The following SETD1B variants were observed in gnomAD, a reference collection of about 807,000 sequenced individuals.
SETD1B encodes the protein SET domain containing 1B, histone lysine methyltransferase.
A neutral mutation model predicts 148.0 loss-of-function variants in SETD1B; 7 were observed. The observed-to-expected ratio is 0.05, with a 90% CI of 0.03 to 0.09. The LOEUF (loss-of-function observed/expected upper bound fraction) is 0.09. SETD1B is among the 10% of genes least tolerant of loss of function. The pLI, the probability that SETD1B is intolerant of heterozygous loss-of-function variation, is 1.00. For synonymous variants in SETD1B, 1,361 were observed against 1,186.5 expected, an observed-to-expected ratio of 1.15 and a Z score of -3.02; for missense variants, 2,155 against 2,729.9, an observed-to-expected ratio of 0.79 and a Z score of 4.69.
intron 12 of SETD1B, among the ~76,000 whole-genome samples, 200 bp from the exon 13 acceptor site, chr12:121,825,000 A>G (rs1004774582): frequency 4.6e-4 from 69 of 150,738 alleles, no homozygotes; most frequent in African/African-American, 1.6e-3. Flanking sequence ...AAAAAAAAAA[A>G]GACACCTAGA....
chr12:121,810,288 C>T lies in SETD1B; in HGVS notation c.1343C>T (p.Pro448Leu), dbSNP rs1231843555. The change falls in exon 6 of 17, where the codon CCA becomes CTA. Residue 448 changes from proline (P) to leucine (L), a missense_variant. Around this residue, in one of 11 missense-constraint regions of SETD1B, gnomAD observed 376 missense variants for 385.0 expected, o/e 0.98. Transcript: ENST00000604567. This position sits in a 1 kb window ranked among gnomAD's most constrained non-coding sequence, Gnocchi z 7.6. ...PPAEPLAKEK[P>L]GTPPGPPPPD... is the part of the protein sequence containing the mutation. Reference sequence around the variant, plus strand: ...GCTGAGCCTCTGGCCAAGGAGAAGCCAGGCACGCCACCCGGCCCGCCGCCC... The same window carrying T: ...GCTGAGCCTCTGGCCAAGGAGAAGCTAGGCACGCCACCCGGCCCGCCGCCC... The T allele has an allele frequency of 6.5e-7, 1 of 1,543,574 alleles. No homozygotes were observed. The highest frequency in any genetic ancestry group is 1.4e-5 in the African/African-American group (1 of 73,004).
At position 121,825,342 on chromosome 12, in the gene SETD1B, C is replaced by T. The variant is rs370573657; in HGVS notation, c.5313C>T (p.Thr1771=). ...ACCTCAACAGCAGCCGTGCCAGCAC[C>T]GATGAGCCCCCCGCAGACACCCAGG... is the stretch of plus-strand genomic sequence containing the variant. The part of the protein sequence containing the change: ...LRYLNSSRAS[T]DEPPADTQGM... The change falls in exon 13 of 17, where the codon ACC becomes ACT. Residue 1771 remains threonine (T), a synonymous_variant. Coordinates refer to ENST00000604567, the MANE Select transcript of SETD1B (RefSeq NM_001353345.2). 495 of 1,550,946 alleles carry T rather than the reference C, an allele frequency of 3.2e-4. 1 individual carries two copies. Among genetic ancestry groups the T allele is most frequent in the East Asian group, 2.4e-3 (100 of 40,926 alleles).
At position 121,808,394 on chromosome 12, in the gene SETD1B, A is replaced by C; in HGVS notation, c.657+74A>C. The C allele has an allele frequency of 1.0e-6, 1 of 988,680 alleles. No homozygotes were observed. The highest frequency in any genetic ancestry group is 1.5e-6 in the Non-Finnish European group (1 of 656,270). 61.2% of individuals were successfully genotyped at this position (988,680 alleles called of 1,614,324 possible). ...CCCCCACCTCTGGAAAGCCTCACCAACTCTCTTATGGGACCCCCAGCCTAC... is the reference window on the plus strand; with the variant it reads ...CCCCCACCTCTGGAAAGCCTCACCACCTCTCTTATGGGACCCCCAGCCTAC... On this transcript the variant is annotated intron_variant, in intron 5 of 16. Transcript: ENST00000604567. This position sits in a 1 kb window ranked among gnomAD's most constrained non-coding sequence, Gnocchi z 5.3.
chr12:121,793,032 A>C, the SETD1B span: 1 of 849,744 alleles, frequency 1.2e-6, no homozygotes, highest in Non-Finnish European at 1.8e-6. Flanking sequence ...TCCAGGAGTG[A>C]AGAGCCGGCC....
intron 12 of SETD1B, among the ~76,000 whole-genome samples, 197 bp from the exon 13 acceptor site, chr12:121,825,003 C>T (rs1183727784): frequency 2.1e-5 from 3 of 145,608 alleles, no homozygotes; most frequent in African/African-American, 7.6e-5. Context: ...AAAAAAAAGA[C>T]ACCTAGAGCC....
In SETD1B at chr12:121,810,027, G is replaced by C; in HGVS notation, c.1082G>C (p.Gly361Ala). 1.3e-6 allele frequency: 2 copies of C among 1,550,430 alleles called. No individual in the cohort carries two copies. Among genetic ancestry groups the C allele is most frequent in the Non-Finnish European group, 1.7e-6 (2 of 1,146,930 alleles). Residue 361 changes from glycine (G) to alanine (A), a missense_variant, in exon 6 of 17, where the codon GGG becomes GCG. Around this residue, in one of 11 missense-constraint regions of SETD1B, gnomAD observed 376 missense variants for 385.0 expected, o/e 0.98. Coordinates refer to ENST00000604567, the MANE Select transcript of SETD1B (RefSeq NM_001353345.2). The surrounding 1 kb of genome is among the most constrained non-coding windows in gnomAD (Gnocchi z 7.6). Reference protein sequence around the residue: ...DLPFGAVGGTGGSSGPPFKAQ... With the variant: ...DLPFGAVGGTAGSSGPPFKAQ... ...CCGTTCGGAGCAGTCGGCGGCACTGGGGGCAGCAGCGGTCCCCCGTTCAAG... is the reference window on the plus strand; with the variant it reads ...CCGTTCGGAGCAGTCGGCGGCACTGCGGGCAGCAGCGGTCCCCCGTTCAAG...
intron 10 of SETD1B, among the ~76,000 whole-genome samples, chr12:121,818,731 AT>A (rs1346479088): frequency 6.6e-6 from 1 of 151,762 alleles, no homozygotes; most frequent in African/African-American, 2.4e-5. Flanking sequence ...TCTAATAAAA[AT>A]ACAAAAAATT....
At position 121,810,136 on chromosome 12, in the gene SETD1B, C is replaced by A. The variant is rs1326331145; in HGVS notation, c.1191C>A (p.Phe397Leu). 10 of 1,549,992 alleles carry A rather than the reference C, an allele frequency of 6.5e-6. No individual in the cohort carries two copies. The highest frequency in any genetic ancestry group is 8.7e-6 in the Non-Finnish European group (10 of 1,146,926). Residue 397 changes from phenylalanine (F) to leucine (L), a missense_variant, in exon 6 of 17, where the codon TTC (phenylalanine) becomes TTA (leucine). Physicochemically the swap from Phe to Leu is conservative, Grantham distance 22. Around this residue, in one of 11 missense-constraint regions of SETD1B, gnomAD observed 376 missense variants for 385.0 expected, o/e 0.98. Transcript: ENST00000604567. This position sits in a 1 kb window ranked among gnomAD's most constrained non-coding sequence, Gnocchi z 7.6. ...CTGCTCCTGGATTCAAGTCTGCTTT[C>A]TCTCCGTATCAGACCCCAGTGGCCC... ...ATPAPGFKSAFSPYQTPVAHF... is the reference protein window; with the variant it reads ...ATPAPGFKSALSPYQTPVAHF...
rs1482985699 is a variant in SETD1B, at chr12:121,817,733, G to T, written c.3312+29G>T. Reference sequence around the variant, plus strand: ...CCTAGCAGGCCAGGAAGCCTCAGGGGGCCGGGCCAGGCGACGAGGGCCAGA... The same window carrying T: ...CCTAGCAGGCCAGGAAGCCTCAGGGTGCCGGGCCAGGCGACGAGGGCCAGA... On this transcript the variant is annotated intron_variant, in intron 9 of 16. Transcript: ENST00000604567. The surrounding 1 kb of genome is among the most constrained non-coding windows in gnomAD (Gnocchi z 8.1). The T allele has an allele frequency of 6.5e-7, 1 of 1,537,384 alleles. No homozygotes were observed. The highest frequency in any genetic ancestry group is 8.8e-7 in the Non-Finnish European group (1 of 1,136,978).
Position 121,819,807 on chromosome 12 carries a change from G to T in SETD1B, c.3822G>T (p.Leu1274=), listed in dbSNP as rs1275002239. ...GGGAGCCGCCTGAGGAACCAGGCCTGAGCCAGGAAGGGGCCATGTTGCTGT... is the reference window on the plus strand; with the variant it reads ...GGGAGCCGCCTGAGGAACCAGGCCTTAGCCAGGAAGGGGCCATGTTGCTGT... ...DSREPPEEPG[L]SQEGAMLLSP... Residue 1274 remains leucine, a synonymous_variant, in exon 11 of 17, where the codon CTG becomes CTT. Coordinates refer to ENST00000604567, the MANE Select transcript of SETD1B (RefSeq NM_001353345.2). 1.3e-6 allele frequency: 2 copies of T among 1,551,630 alleles called. No homozygotes were observed. The highest frequency in any genetic ancestry group is 2.4e-5 in the South Asian group (2 of 84,066).
Position 121,830,027 on chromosome 12 carries a change from G to C in SETD1B, c.5728-39G>C, listed in dbSNP as rs963816729. ...GGTCTGCAGTGGTGGGGGACCCTGG[G>C]GGACCAGGGGCTCATTCTCCCCCCC... On this transcript the variant is annotated intron_variant, in intron 16 of 16. Transcript: ENST00000604567. The surrounding 1 kb of genome is among the most constrained non-coding windows in gnomAD (Gnocchi z 5.7). The C allele has an allele frequency of 3.3e-6, 5 of 1,533,036 alleles. No homozygotes were observed. In the African/African-American group the frequency reaches 6.9e-5, roughly 21 times the overall value. The allele number at this position is 1,533,036 out of a possible 1,614,324, so 95.0% of individuals were successfully genotyped here. A position where few individuals can be genotyped will look rare whatever the true frequency, so the allele number is the denominator to read the frequency against.
the SETD1B span, chr12:121,797,371 G>A: frequency 4.5e-6 from 2 of 442,592 alleles, no homozygotes; most frequent in African/African-American, 2.0e-5. Flanking sequence ...CCCGCCCCGC[G>A]TTCGCTGGGT....
At position 121,814,750 on chromosome 12, in the gene SETD1B, T is replaced by G; in HGVS notation, c.2535T>G (p.Pro845=). The G allele has an allele frequency of 1.3e-6, 2 of 1,551,242 alleles. No homozygotes were observed. Among genetic ancestry groups the G allele is most frequent in the Non-Finnish European group, 1.7e-6 (2 of 1,146,970 alleles). ...PPLPKFDPSV[P]PPGYMPRQED... is the part of the protein sequence containing the mutation. ...TGCCCAAGTTTGACCCGTCAGTGCC[T>G]CCACCAGGCTACATGCCACGCCAGG... is the stretch of plus-strand genomic sequence containing the variant. Residue 845 remains proline, a synonymous_variant, in exon 7 of 17, where the codon CCT becomes CCG. Coordinates refer to ENST00000604567, the MANE Select transcript of SETD1B (RefSeq NM_001353345.2).
Position 121,814,126 on chromosome 12 carries a change from G to A in SETD1B, c.1911G>A (p.Glu637=), listed in dbSNP as rs1294498906. 1 of 1,548,810 alleles carries A rather than the reference G, an allele frequency of 6.5e-7. No homozygotes were observed. The highest frequency in any genetic ancestry group is 8.7e-7 in the Non-Finnish European group (1 of 1,146,662). ...KMDEGQQSSG[E]DMEISDDEMP... ...TGCAGGGCCAGCAGTCCTCAGGCGA[G>A]GACATGGAGATCTCGGATGACGAGA... The change falls in exon 7 of 17, where the codon GAG becomes GAA. Residue 637 remains glutamate (E), a synonymous_variant. Coordinates refer to ENST00000604567, the MANE Select transcript of SETD1B (RefSeq NM_001353345.2).
Position 121,810,542 on chromosome 12 carries a change from A to G in SETD1B, c.1597A>G (p.Ile533Val). ...CGAGCTGCAGATGGAGGGCAGCCCC[A>G]TCTCCTCCTCCTCCTCCCAGCTCTC... ...DTELQMEGSP[I>V]SSSSSQLSPL... The change falls in exon 6 of 17, where the codon ATC (isoleucine) becomes GTC (valine). Residue 533 changes from isoleucine to valine, a missense_variant. Coordinates refer to ENST00000604567, the MANE Select transcript of SETD1B (RefSeq NM_001353345.2). This position sits in a 1 kb window ranked among gnomAD's most constrained non-coding sequence, Gnocchi z 7.6. 1.3e-6 allele frequency: 2 copies of G among 1,546,486 alleles called. No homozygotes were observed. The highest frequency in any genetic ancestry group is 1.7e-6 in the Non-Finnish European group (2 of 1,146,934).
rs538446495 is a variant in SETD1B, at chr12:121,814,476, C to A, written c.2261C>A (p.Pro754His). 5.5e-6 allele frequency: 8 copies of A among 1,456,194 alleles called. No individual in the cohort carries two copies. The East Asian group carries it at 1.3e-4, about 23-fold the overall frequency. The allele number at this position is 1,456,194 out of a possible 1,614,324, so 90.2% of individuals were successfully genotyped here. ...PLPPFPPGLF[P>H]VMQVDMSHVL... ...CCCCCCTTTCCGCCGGGCCTGTTCC[C>A]TGTGATGCAGGTGGACATGAGCCAC... Residue 754 changes from proline to histidine, a missense_variant, in exon 7 of 17, where the codon CCT (proline) becomes CAT (histidine). Pro to His is a moderately conservative substitution (Grantham distance 77). This residue lies in a region of SETD1B where 289 missense variants were observed against 423.7 expected (regional missense o/e 0.68). Transcript: ENST00000604567.
In SETD1B at chr12:121,808,869, T is replaced by G. The variant is rs1315139095; in HGVS notation, c.657+549T>G. ...CCACTGGCCTGTTCATCACTTTTTTTTTGTTTTATTTATTTTTTTGAGACA... is the reference window on the plus strand; with the variant it reads ...CCACTGGCCTGTTCATCACTTTTTTGTTGTTTTATTTATTTTTTTGAGACA... On this transcript the variant is annotated intron_variant, in intron 5 of 16. Coordinates refer to ENST00000604567, the MANE Select transcript of SETD1B (RefSeq NM_001353345.2). The surrounding 1 kb of genome is among the most constrained non-coding windows in gnomAD (Gnocchi z 5.3). Among the ~76,000 whole-genome samples the G allele has an allele frequency of 1.3e-5, 2 of 152,166 alleles. No homozygotes were observed. Among genetic ancestry groups the G allele is most frequent in the Non-Finnish European group, 1.5e-5 (1 of 68,028 alleles).
rs1171847238 is a variant in SETD1B, at chr12:121,822,562, C to T, written c.3983C>T (p.Pro1328Leu). Residue 1328 changes from proline (P) to leucine (L), a missense_variant, in exon 12 of 17, where the codon CCA (proline) becomes CTA (leucine). Physicochemically the swap from Pro to Leu is moderately conservative, Grantham distance 98 (BLOSUM62 -3). This residue lies in a region of SETD1B where 862 missense variants were observed against 873.8 expected (regional missense o/e 0.99). Transcript: ENST00000604567. ...PLPLQPPLPP[P>L]RPPRPPSPPP... ...CCGCTGCAACCACCATTGCCGCCCC[C>T]ACGACCACCCCGGCCACCCAGCCCA... The T allele has an allele frequency of 1.9e-6, 3 of 1,551,258 alleles. No homozygotes were observed. The highest frequency in any genetic ancestry group is 1.4e-5 in the African/African-American group (1 of 73,004).
At chr12:121,793,487 G>A in the SETD1B span, 2 of 1,540,728 alleles carry the variant, frequency 1.3e-6, no homozygotes, top group Admixed American at 2.0e-5. Flanking sequence ...GCCCCGCTGC[G>A]GGCCTCACCT....
Sources: allele counts gnomAD v4.1 joint callset (sites outside exome capture counted in the v4.1 genomes callset), GRCh38; gene constraint gnomAD v4.1.1; regional missense constraint gnomAD v4.1.1; non-coding constraint Gnocchi (gnomAD v3.1); transcripts MANE v1.5; gene names NCBI Gene and HGNC (gene_info 2026-07-23, HGNC 2026-07-21).